TAFA4: variants seen among roughly 807,000 people sequenced by gnomAD.
The protein encoded by TAFA4 is chemokine-like protein TAFA-4.
TAFA4 carries 20 observed loss-of-function variants against 21.1 expected under a neutral mutation model. The ratio of observed to expected loss-of-function variants is 0.95; its 90% CI spans 0.67 to 1.38. The LOEUF (loss-of-function observed/expected upper bound fraction) is 1.38, where lower values mean the gene tolerates loss of function less well. Ranked by LOEUF, TAFA4 falls within the 40% of genes most tolerant of loss-of-function variation. The pLI is 0.00. For synonymous variants in TAFA4, 71 were observed against 67.4 expected (o/e 1.05, Z -0.26); for missense variants, 211 against 180.9 (o/e 1.17, Z -0.95).
At chr3:68,760,050 G>A (rs553626818) in intron 3 of TAFA4, among the ~76,000 whole-genome samples, 4 of 152,106 alleles carry the variant, frequency 2.6e-5, no homozygotes, top group African/African-American at 4.8e-5. Flanking sequence ...AATTGCAATC[G>A]GGTTGCATAT....
intron 3 of TAFA4, among the ~76,000 whole-genome samples, chr3:68,840,434 C>T (rs1704634340): frequency 6.6e-6 from 1 of 152,142 alleles, no homozygotes; most frequent in Non-Finnish European, 1.5e-5. Context: ...CCAGGCTAGT[C>T]TCGAACTTCT....
At position 68,738,311 on chromosome 3, in the gene TAFA4, A is replaced by T. The variant is rs147117783; in HGVS notation, c.411+764T>A. On this transcript the variant is annotated intron_variant, in intron 5 of 5. Coordinates refer to ENST00000295569, the MANE Select transcript of TAFA4 (RefSeq NM_182522.5). The stretch of plus-strand genomic sequence containing the variant: ...TTGGCCATGTTACACATTAAGGACC[A>T]GGCAGAGGCTAGTGGACCAATCACC... Among the ~76,000 whole-genome samples, 38 of 152,308 alleles carry T rather than the reference A, an allele frequency of 2.5e-4. No homozygotes were observed. In the East Asian group the frequency reaches 3.9e-3, roughly 15 times the overall value.
At chr3:68,909,600 A>G (rs967811184) in intron 1 of TAFA4, among the ~76,000 whole-genome samples, 4 of 152,190 alleles carry the variant, frequency 2.6e-5, no homozygotes, top group South Asian at 2.1e-4. Context: ...TAGGGATACT[A>G]TGGAAGATCC....
intron 3 of TAFA4, among the ~76,000 whole-genome samples, chr3:68,846,678 G>A (rs1049696572): frequency 6.6e-6 from 1 of 152,134 alleles, no homozygotes; most frequent in African/African-American, 2.4e-5. Flanking sequence ...GGTCTTTGAT[G>A]TTCATGACCT....
chr3:68,912,936 C>T (rs1010322565), intron 1 of TAFA4, among the ~76,000 whole-genome samples: 2 of 152,150 alleles, frequency 1.3e-5, no homozygotes, highest in South Asian at 2.1e-4. Context: ...CTGAATAGAG[C>T]ATGGCTGCTG....
rs375775252 is a variant in TAFA4, at chr3:68,920,817, T to G, written c.-123+11423A>C. On this transcript the variant is annotated intron_variant, in intron 1 of 5. Coordinates refer to ENST00000295569, the MANE Select transcript of TAFA4 (RefSeq NM_182522.5). ...CAGACAGTACCACCCACACATGCCA[T>G]GTTCTACAGTAAATCAAAGACTATG... 7.2e-5 allele frequency among the ~76,000 whole-genome samples: 11 copies of G among 152,118 alleles called. No individual in the cohort carries two copies. In the South Asian group the frequency reaches 1.0e-3, roughly 14 times the overall value.
At chr3:68,811,006 C>A (rs895723223) in intron 3 of TAFA4, among the ~76,000 whole-genome samples, 2 of 152,180 alleles carry the variant, frequency 1.3e-5, no homozygotes, top group Non-Finnish European at 2.9e-5. Flanking sequence ...GCAACATTTG[C>A]TGTTCACCAA....
chr3:68,900,081 CAAAA>C (rs3048091), intron 1 of TAFA4, among the ~76,000 whole-genome samples: 15 of 137,830 alleles, frequency 1.1e-4, no homozygotes, highest in Admixed American at 2.9e-4. Context: ...TCTACACACA[CAAAA>C]AAAAAAAAAA....
At chr3:68,825,101 T>G (rs1704198230) in intron 3 of TAFA4, among the ~76,000 whole-genome samples, 1 of 152,138 alleles carries the variant, frequency 6.6e-6, no homozygotes, top group African/African-American at 2.4e-5. Context: ...CAGCATACAT[T>G]TGCTATTTTT....
intron 3 of TAFA4, among the ~76,000 whole-genome samples, chr3:68,810,244 A>G (rs1005378972): frequency 2.6e-5 from 4 of 152,134 alleles, no homozygotes; most frequent in Admixed American, 6.5e-5. Context: ...TCCCAGCATG[A>G]GAGACGCAGA....
chr3:68,814,380 C>G (rs538658016), intron 3 of TAFA4, among the ~76,000 whole-genome samples: 14 of 152,158 alleles, frequency 9.2e-5, no homozygotes, highest in Non-Finnish European at 1.6e-4. Flanking sequence ...TCAAATTGTC[C>G]CTGTTTGCAG....
chr3:68,761,232 T>C (rs959443247), intron 3 of TAFA4, among the ~76,000 whole-genome samples: 2 of 152,220 alleles, frequency 1.3e-5, no homozygotes, highest in African/African-American at 4.8e-5. Context: ...ACACTGCAGA[T>C]ACTGAATAAA....
chr3:68,799,753 C>CTCCCCTAGAGCAG (rs1553642460), intron 3 of TAFA4, among the ~76,000 whole-genome samples: 3 of 151,790 alleles, frequency 2.0e-5, no homozygotes, highest in Non-Finnish European at 2.9e-5. Context: ...GCAAAGAGAT[C>CTCCCCTAGAGCAG]GTGTCTCCAA....
chr3:68,882,345 T>C lies in TAFA4; in HGVS notation c.15-1500A>G, dbSNP rs910488550. On this transcript the variant is annotated intron_variant, in intron 2 of 5. Transcript: ENST00000295569. ...GCTTTAAAAAAAAAAAAGAAAGAAATTGAATTGGTTGCCAACACATACAAT... is the reference window on the plus strand; with the variant it reads ...GCTTTAAAAAAAAAAAAGAAAGAAACTGAATTGGTTGCCAACACATACAAT... Among the ~76,000 whole-genome samples, 7 of 151,782 alleles carry C rather than the reference T, an allele frequency of 4.6e-5. 1 individual carries two copies. Among genetic ancestry groups the C allele is most frequent in the Admixed American group, 3.9e-4 (6 of 15,206 alleles).
intron 3 of TAFA4, among the ~76,000 whole-genome samples, chr3:68,754,947 C>A (rs1702632217): frequency 6.6e-6 from 1 of 152,160 alleles, no homozygotes; most frequent in Admixed American, 6.5e-5. Flanking sequence ...CTGGTATTTT[C>A]CCTGCCCCCG....
intron 3 of TAFA4, among the ~76,000 whole-genome samples, chr3:68,823,570 A>G (rs1704160500): frequency 6.6e-6 from 1 of 152,156 alleles, no homozygotes; most frequent in Non-Finnish European, 1.5e-5. Flanking sequence ...CCCAGTATAC[A>G]TTAGCTAATT....
intron 3 of TAFA4, among the ~76,000 whole-genome samples, chr3:68,783,265 G>C (rs1703183607): frequency 1.3e-5 from 2 of 152,122 alleles, no homozygotes; most frequent in Admixed American, 6.5e-5. Flanking sequence ...TTGAACTAGA[G>C]GTCCTAGCCA....
intron 1 of TAFA4, among the ~76,000 whole-genome samples, chr3:68,921,696 T>C (rs534346953): frequency 6.6e-6 from 1 of 152,318 alleles, no homozygotes; most frequent in East Asian, 1.9e-4. Context: ...GTCTTAACTA[T>C]ACAGGAACAA....
intron 3 of TAFA4, 81 bp from the exon 4 acceptor site, chr3:68,753,099 T>C: frequency 7.4e-7 from 1 of 1,351,956 alleles, no homozygotes. Flanking sequence ...GATGCTATGA[T>C]GACATTTTCC....
Sources: allele counts gnomAD v4.1 joint callset (sites outside exome capture counted in the v4.1 genomes callset), GRCh38; gene constraint gnomAD v4.1.1; transcripts MANE v1.5; gene names NCBI Gene and HGNC (gene_info 2026-07-23, HGNC 2026-07-21).